The following ZDHHC14 variants were observed in gnomAD, a reference collection of about 807,000 sequenced individuals.
The protein encoded by ZDHHC14 is zDHHC palmitoyltransferase 14.
ZDHHC14 carries 16 observed loss-of-function variants against 47.7 expected under a neutral mutation model. That is an observed-to-expected ratio of 0.34 (90% CI 0.23 to 0.51). The LOEUF (loss-of-function observed/expected upper bound fraction) is 0.51, where lower values mean the gene tolerates loss of function less well. ZDHHC14 is among the 20% of genes least tolerant of loss of function. The probability of loss-of-function intolerance (pLI) is 0.97; values close to 1 mark genes in which losing one functional copy is unlikely to be tolerated. For synonymous variants in ZDHHC14, 293 were observed against 278.9 expected (o/e 1.05, Z -0.50); for missense variants, 515 against 662.5 (o/e 0.78, Z 2.44).
chr6:157,582,218 G>T lies in ZDHHC14; in HGVS notation c.407-10770G>T, dbSNP rs1783543907. Among the ~76,000 whole-genome samples, 1 of 152,152 alleles carries T rather than the reference G, an allele frequency of 6.6e-6. No homozygotes were observed. Among genetic ancestry groups the T allele is most frequent in the Non-Finnish European group, 1.5e-5 (1 of 68,030 alleles). On this transcript the variant is annotated intron_variant, in intron 2 of 8. Transcript: ENST00000359775. The surrounding 1 kb of genome is among the most constrained non-coding windows in gnomAD (Gnocchi z 4.3). ...AGCCCACCCTGTGCCTTTTAATTGG[G>T]TCATTTCCTATTTACATTCAAAGTT...
chr6:157,554,219 G>A (rs1782361852), intron 2 of ZDHHC14, among the ~76,000 whole-genome samples: 1 of 152,142 alleles, frequency 6.6e-6, no homozygotes, highest in African/African-American at 2.4e-5. Flanking sequence ...GTGAATGAGG[G>A]AGTGGTTCTT....
At position 157,674,106 on chromosome 6, in the gene ZDHHC14, A is replaced by C. The variant is rs368194043; in HGVS notation, c.*984A>C. 1 of 152,496 alleles carries C rather than the reference A, an allele frequency of 6.6e-6. No individual in the cohort carries two copies. 9.4% of individuals were successfully genotyped at this position (152,496 alleles called of 1,614,324 possible). The stretch of plus-strand genomic sequence containing the variant: ...TAGAATAATTTCTTAGATAAGAGGC[A>C]AGTTTTCCATCATTTATTTTCTTTA... On this transcript the variant is annotated 3_prime_UTR_variant, in exon 9 of 9. Transcript: ENST00000359775.
rs78659818 is a variant in ZDHHC14 at position 157,678,087 on chromosome 6, T to C, written c.*4965T>C. The C allele has an allele frequency of 1.3e-4, 20 of 152,358 alleles. No individual in the cohort carries two copies. In the East Asian group the frequency reaches 3.5e-3, roughly 26 times the overall value. The allele number at this position is 152,358 out of a possible 1,614,324, so 9.4% of individuals were successfully genotyped here. ...TGTTTTAATCAATGTTTGCAGAATTTATCTTAAACCTGAGATGAATTAAAA... is the reference window on the plus strand; with the variant it reads ...TGTTTTAATCAATGTTTGCAGAATTCATCTTAAACCTGAGATGAATTAAAA... On this transcript the variant is annotated 3_prime_UTR_variant, in exon 9 of 9. Transcript: ENST00000359775.
At chr6:157,423,590 A>C (rs1245536459) in intron 1 of ZDHHC14, among the ~76,000 whole-genome samples, 1 of 152,208 alleles carries the variant, frequency 6.6e-6, no homozygotes, top group Non-Finnish European at 1.5e-5. Context: ...TATAACACTG[A>C]GATTGGGTAT....
chr6:157,466,309 G>A (rs937143540), intron 1 of ZDHHC14, among the ~76,000 whole-genome samples: 1 of 152,170 alleles, frequency 6.6e-6, no homozygotes, highest in Non-Finnish European at 1.5e-5. Flanking sequence ...CTCGGTGCGT[G>A]CTGTACAGGG....
chr6:157,482,239 C>T (rs1288774147), intron 1 of ZDHHC14, among the ~76,000 whole-genome samples: 3 of 150,530 alleles, frequency 2.0e-5, no homozygotes, highest in African/African-American at 7.3e-5. Flanking sequence ...GGACACCTAA[C>T]GTCTATATTT....
chr6:157,673,394 G>A lies in ZDHHC14; in HGVS notation c.*272G>A, dbSNP rs1778897358. On this transcript the variant is annotated 3_prime_UTR_variant, in exon 9 of 9. Transcript: ENST00000359775. The surrounding 1 kb of genome is among the most constrained non-coding windows in gnomAD (Gnocchi z 5.4). ...TGCTTTCTTTTGGTGACCCTCCAGG[G>A]GTGGAATCGGAGTGTGTCTGCCCGC... 1 of 510,588 alleles carries A rather than the reference G, an allele frequency of 2.0e-6. No homozygotes were observed. The highest frequency in any genetic ancestry group is 2.0e-5 in the African/African-American group (1 of 49,098). The allele number at this position is 510,588 out of a possible 1,614,324, so 31.6% of individuals were successfully genotyped here. A position where few individuals can be genotyped will look rare whatever the true frequency, so the allele number is the denominator to read the frequency against.
rs79776429 is a variant in ZDHHC14 at position 157,466,132 on chromosome 6, A to G, written c.246-76453A>G. On this transcript the variant is annotated intron_variant, in intron 1 of 8. Transcript: ENST00000359775. ...TGAGAATTTCTTCTACCTTGGCCTG[A>G]TCCTCAGCTGCCTCTCTGAGCGCAC... is the stretch of plus-strand genomic sequence containing the variant. Among the ~76,000 whole-genome samples the G allele has an allele frequency of 4.6e-3, 706 of 152,202 alleles. 26 individuals carry two copies. In the East Asian group the frequency reaches 0.086, roughly 19 times the overall value.
intron 2 of ZDHHC14, among the ~76,000 whole-genome samples, chr6:157,551,355 G>A (rs1442297905): frequency 6.6e-6 from 1 of 152,184 alleles, no homozygotes; most frequent in Non-Finnish European, 1.5e-5. Context: ...CTCAGAGACA[G>A]GTGTAACTCC....
chr6:157,645,869 G>A (rs772605235), intron 6 of ZDHHC14, 30 bp downstream of exon 6: 26 of 1,594,292 alleles, frequency 1.6e-5, no homozygotes, highest in African/African-American at 4.0e-5. Flanking sequence ...GGACACGGGC[G>A]TGTTCTTGGG....
intron 1 of ZDHHC14, among the ~76,000 whole-genome samples, chr6:157,515,457 C>CTTTTTTTTTTTT (rs1187323622): frequency 1.5e-3 from 190 of 129,374 alleles, no homozygotes; most frequent in Non-Finnish European, 2.1e-3. Context: ...TTTTCTTTTT[C>CTTTTTTTTTTTT]TTTTTTTTTT....
At chr6:157,388,976 A>G (rs1451612194) in intron 1 of ZDHHC14, among the ~76,000 whole-genome samples, 1 of 152,188 alleles carries the variant, frequency 6.6e-6, no homozygotes, top group Non-Finnish European at 1.5e-5. Flanking sequence ...GAGTGTGTGT[A>G]TTCCCAAACA....
chr6:157,663,725 A>T (rs1487301316), intron 8 of ZDHHC14, among the ~76,000 whole-genome samples: 1 of 152,124 alleles, frequency 6.6e-6, no homozygotes, highest in Admixed American at 6.5e-5. Context: ...ATGAGGCCCG[A>T]TGCTCTTTCC....
Position 157,515,139 on chromosome 6 carries a change from G to C in ZDHHC14, c.246-27446G>C, listed in dbSNP as rs2114756123. ...TGAGTGGGGCCTGAGCACTCACGGG[G>C]AGAGAGATGACCCTGAATGACACCT... On this transcript the variant is annotated intron_variant, in intron 1 of 8. Transcript: ENST00000359775. 2.6e-5 allele frequency among the ~76,000 whole-genome samples: 4 copies of C among 152,316 alleles called. No homozygotes were observed. In the South Asian group the frequency reaches 8.3e-4, roughly 32 times the overall value.
At chr6:157,396,108 G>A (rs1777516111) in intron 1 of ZDHHC14, among the ~76,000 whole-genome samples, 2 of 152,004 alleles carry the variant, frequency 1.3e-5, no homozygotes, top group Admixed American at 6.5e-5. Context: ...AACTCTCATA[G>A]GGACACCTTT....
intron 1 of ZDHHC14, among the ~76,000 whole-genome samples, chr6:157,485,122 T>C (rs1779747059): frequency 6.6e-6 from 1 of 151,984 alleles, no homozygotes; most frequent in African/African-American, 2.4e-5. Context: ...ATAAATAAAA[T>C]AAAATAAAAT....
intron 1 of ZDHHC14, among the ~76,000 whole-genome samples, chr6:157,382,636 G>A (rs1777237581): frequency 6.6e-6 from 1 of 152,212 alleles, no homozygotes; most frequent in Admixed American, 6.5e-5. Flanking sequence ...CCGTGGGAAG[G>A]TGGGGTGCGA....
At chr6:157,672,610 T>C (rs1778846722) in intron 8 of ZDHHC14, 114 bp from the exon 9 acceptor site, 2 of 1,119,184 alleles carry the variant, frequency 1.8e-6, no homozygotes, top group South Asian at 1.6e-5. Context: ...CACTAACGGT[T>C]TCTCTCTTCT....
At chr6:157,634,354 A>G (rs1010620370) in intron 5 of ZDHHC14, among the ~76,000 whole-genome samples, 3 of 152,192 alleles carry the variant, frequency 2.0e-5, no homozygotes, top group Non-Finnish European at 4.4e-5. Flanking sequence ...CTGGAAGGAA[A>G]GGTGGCCCAG....
Sources: gnomAD v4.1 joint callset for allele counts (sites outside exome capture counted in the v4.1 genomes callset) on GRCh38, gnomAD v4.1.1 for gene constraint, Gnocchi (gnomAD v3.1) non-coding constraint, MANE v1.5 for transcripts, NCBI Gene and HGNC (gene_info 2026-07-23, HGNC 2026-07-21) for gene names.